The following ANKRD44 variants were observed in gnomAD, a reference collection of about 807,000 sequenced individuals.
The protein encoded by ANKRD44 is ankyrin repeat domain 44.
A neutral mutation model predicts 116.0 loss-of-function variants in ANKRD44; 35 were observed. The ratio of observed to expected loss-of-function variants is 0.30; its 90% CI spans 0.23 to 0.40. The LOEUF (loss-of-function observed/expected upper bound fraction) is 0.40. Among genes scored for constraint, ANKRD44 ranks in the 10% least tolerant of loss-of-function variants. ANKRD44 has a pLI of 1.00. For missense variants in ANKRD44, 1,014 were observed against 1,242.6 expected (o/e 0.82, Z 2.77); for synonymous variants, 435 against 461.8 (o/e 0.94, Z 0.74).
chr2:197,028,125 GA>G (rs1191084344), intron 16 of ANKRD44, among the ~76,000 whole-genome samples: 1 of 152,116 alleles, frequency 6.6e-6, no homozygotes, highest in Non-Finnish European at 1.5e-5. Flanking sequence ...TGAAAAAATA[GA>G]AAAAATAATA....
intron 1 of ANKRD44, among the ~76,000 whole-genome samples, chr2:197,225,235 G>A (rs1224823719): frequency 1.3e-5 from 2 of 152,136 alleles, no homozygotes; most frequent in East Asian, 1.9e-4. Context: ...CTATTCGAGC[G>A]TAAACCAAAA....
chr2:197,102,456 C>T (rs1004661092), intron 9 of ANKRD44, among the ~76,000 whole-genome samples: 9 of 152,160 alleles, frequency 5.9e-5, no homozygotes, highest in African/African-American at 1.7e-4. Flanking sequence ...GGCACTTTTC[C>T]TTATAGCCTT....
At chr2:197,120,147 C>A (rs2078818091) in intron 8 of ANKRD44, among the ~76,000 whole-genome samples, 1 of 152,206 alleles carries the variant, frequency 6.6e-6, no homozygotes, top group Admixed American at 6.5e-5. Flanking sequence ...CTCATCATAT[C>A]TTCTCTTGCT....
At chr2:197,138,721 C>G (rs765865830) in intron 3 of ANKRD44, among the ~76,000 whole-genome samples, 1 of 152,158 alleles carries the variant, frequency 6.6e-6, no homozygotes, top group Non-Finnish European at 1.5e-5. Context: ...GTGTTTCTGT[C>G]TAGTAAGCCG....
chr2:197,085,304 AG>A (rs1220571567), intron 13 of ANKRD44, among the ~76,000 whole-genome samples: 2 of 152,212 alleles, frequency 1.3e-5, no homozygotes, highest in African/African-American at 4.8e-5. Context: ...AAAGATAGGG[AG>A]AAAATGATAC....
intron 16 of ANKRD44, among the ~76,000 whole-genome samples, chr2:197,068,705 ATC>A (rs1291735920): frequency 6.6e-6 from 1 of 152,236 alleles, no homozygotes; most frequent in Non-Finnish European, 1.5e-5. Flanking sequence ...AAAAATGCTC[ATC>A]ATCACTGGCC....
chr2:197,242,220 A>G (rs960607059), intron 1 of ANKRD44, among the ~76,000 whole-genome samples: 4 of 152,206 alleles, frequency 2.6e-5, no homozygotes, highest in African/African-American at 7.2e-5. Context: ...ATTTAATACC[A>G]TTTACTAATT....
intron 1 of ANKRD44, among the ~76,000 whole-genome samples, chr2:197,285,246 C>T (rs2083376886): frequency 6.6e-6 from 1 of 152,058 alleles, no homozygotes; most frequent in African/African-American, 2.4e-5. Context: ...ACCTCCCCAG[C>T]CCCAACCCAC....
intron 16 of ANKRD44, among the ~76,000 whole-genome samples, chr2:197,073,452 T>C (rs895474089): frequency 5.3e-5 from 8 of 152,192 alleles, no homozygotes; most frequent in African/African-American, 9.6e-5. Flanking sequence ...CATTTGGACA[T>C]TGGGAAATAT....
chr2:197,015,064 G>GA (rs1299419837), intron 17 of ANKRD44: 1 of 239,994 alleles, frequency 4.2e-6, no homozygotes, highest in Non-Finnish European at 8.5e-6. Context: ...AACATTTTGA[G>GA]AAATGGGGCA....
At chr2:197,114,193 A>G (rs2078654823) in intron 8 of ANKRD44, among the ~76,000 whole-genome samples, 1 of 152,238 alleles carries the variant, frequency 6.6e-6, no homozygotes, top group Non-Finnish European at 1.5e-5. Flanking sequence ...GCACAAAAAG[A>G]TAAAACATTC....
chr2:197,073,162 T>C (rs979280820), intron 16 of ANKRD44, among the ~76,000 whole-genome samples: 5 of 152,154 alleles, frequency 3.3e-5, no homozygotes, highest in African/African-American at 1.2e-4. Flanking sequence ...GGAAGACACA[T>C]TAGGAGCAGG....
At chr2:197,284,811 G>A (rs111639207) in intron 1 of ANKRD44, among the ~76,000 whole-genome samples, 11 of 151,608 alleles carry the variant, frequency 7.3e-5, no homozygotes, top group East Asian at 3.9e-4. Flanking sequence ...GCCTTAACCC[G>A]GGAGGCAGAG....
At chr2:197,023,277 G>T (rs977320762) in intron 17 of ANKRD44, among the ~76,000 whole-genome samples, 1 of 152,042 alleles carries the variant, frequency 6.6e-6, no homozygotes, top group African/African-American at 2.4e-5. Context: ...GAGGTATTTG[G>T]GTTAATATCA....
At chr2:197,218,038 CA>C (rs2081491128) in intron 1 of ANKRD44, among the ~76,000 whole-genome samples, 1 of 151,958 alleles carries the variant, frequency 6.6e-6, no homozygotes, top group Admixed American at 6.6e-5. Context: ...TAATGAAAAT[CA>C]AGATGAAAAT....
intron 16 of ANKRD44, chr2:197,029,974 G>A (rs2076673677): frequency 5.9e-6 from 1 of 169,976 alleles, no homozygotes; most frequent in African/African-American, 2.4e-5. Flanking sequence ...ATGGCACCAG[G>A]TTTTTGTTGG....
intron 12 of ANKRD44, among the ~76,000 whole-genome samples, chr2:197,087,539 TAA>T (rs1415996242): frequency 1.3e-5 from 2 of 152,258 alleles, no homozygotes; most frequent in Non-Finnish European, 2.9e-5. Context: ...ATCATTGTTC[TAA>T]ACTTAGGATG....
chr2:197,200,146 A>G (rs897559274), intron 1 of ANKRD44, among the ~76,000 whole-genome samples: 27 of 152,350 alleles, frequency 1.8e-4, no homozygotes, highest in Middle Eastern at 3.4e-3. Flanking sequence ...GTACTGAACC[A>G]TGTTCTACAG....
At chr2:197,188,169 T>G (rs2080732142) in intron 1 of ANKRD44, among the ~76,000 whole-genome samples, 1 of 152,170 alleles carries the variant, frequency 6.6e-6, no homozygotes. Flanking sequence ...TACCAAGCTC[T>G]TATTATTGAA....
Sources: allele counts gnomAD v4.1 joint callset (sites outside exome capture counted in the v4.1 genomes callset), GRCh38; gene constraint gnomAD v4.1.1; transcripts MANE v1.5; gene names NCBI Gene and HGNC (gene_info 2026-07-23, HGNC 2026-07-21).